The following PTPRD variants were observed in gnomAD, a reference collection of about 807,000 sequenced individuals.
The protein encoded by PTPRD is receptor-type tyrosine-protein phosphatase delta.
PTPRD carries 34 observed loss-of-function variants against 214.5 expected under a neutral mutation model. That is an observed-to-expected ratio of 0.16 (90% CI 0.12 to 0.21). The LOEUF (loss-of-function observed/expected upper bound fraction) is 0.21. Ranked by LOEUF, PTPRD falls within the 10% of genes least tolerant of loss-of-function variation. The probability of loss-of-function intolerance (pLI) is 1.00; values close to 1 mark genes in which losing one functional copy is unlikely to be tolerated. For synonymous variants in PTPRD, 1,128 were observed against 845.7 expected (o/e 1.33, Z -5.79); for missense variants, 2,545 against 2,398.7 (o/e 1.06, Z -1.27).
chr9:8,914,818 C>T (rs1387257576), intron 11 of PTPRD, among the ~76,000 whole-genome samples: 1 of 151,972 alleles, frequency 6.6e-6, no homozygotes, highest in African/African-American at 2.4e-5. Context: ...TTTAAGGTAC[C>T]AATAAAAAGC....
At chr9:10,152,834 C>G (rs771944610) in intron 3 of PTPRD, among the ~76,000 whole-genome samples, 2 of 151,988 alleles carry the variant, frequency 1.3e-5, no homozygotes, top group Non-Finnish European at 2.9e-5. Flanking sequence ...CTACCCTCCC[C>G]CAAAAAGAAG....
intron 7 of PTPRD, among the ~76,000 whole-genome samples, chr9:9,673,714 AT>A (rs2096874229): frequency 6.6e-6 from 1 of 151,454 alleles, no homozygotes; most frequent in Admixed American, 6.6e-5. Context: ...TGAGAAGACA[AT>A]TTAGAAAAAA....
chr9:10,000,042 G>T (rs1234450666), intron 4 of PTPRD, among the ~76,000 whole-genome samples: 2 of 152,126 alleles, frequency 1.3e-5, no homozygotes, highest in African/African-American at 4.8e-5. Flanking sequence ...CAAGATTAAT[G>T]CCAAAGTTAT....
chr9:9,857,893 T>G (rs926588692), intron 5 of PTPRD, among the ~76,000 whole-genome samples: 1 of 150,132 alleles, frequency 6.7e-6, no homozygotes, highest in Admixed American at 6.6e-5. Context: ...ATGAGCATAG[T>G]TGATTAATAC....
At chr9:10,167,070 A>T (rs2099163610) in intron 3 of PTPRD, among the ~76,000 whole-genome samples, 1 of 152,136 alleles carries the variant, frequency 6.6e-6, no homozygotes, top group South Asian at 2.1e-4. Flanking sequence ...AACCTAAAAT[A>T]CAGAATTTAT....
intron 11 of PTPRD, among the ~76,000 whole-genome samples, chr9:8,876,736 G>A (rs1451776185): frequency 1.5e-4 from 23 of 152,206 alleles, no homozygotes; most frequent in Admixed American, 1.4e-3. Context: ...AAGTGACCAG[G>A]TACCCTTTGC....
At chr9:10,561,061 T>A (rs1403730180) in intron 2 of PTPRD, among the ~76,000 whole-genome samples, 1 of 152,192 alleles carries the variant, frequency 6.6e-6, no homozygotes, top group African/African-American at 2.4e-5. Flanking sequence ...TTCCAAATAC[T>A]AATTCCATGA....
At chr9:8,991,309 T>C (rs935044091) in intron 11 of PTPRD, among the ~76,000 whole-genome samples, 1 of 152,134 alleles carries the variant, frequency 6.6e-6, no homozygotes, top group Non-Finnish European at 1.5e-5. Flanking sequence ...AAACTAGGAT[T>C]AAATAAATTT....
chr9:10,462,333 T>C (rs539230767), intron 2 of PTPRD, among the ~76,000 whole-genome samples: 4 of 152,136 alleles, frequency 2.6e-5, no homozygotes, highest in African/African-American at 7.2e-5. Flanking sequence ...TTTTATATAA[T>C]CTGCAAATGA....
intron 11 of PTPRD, among the ~76,000 whole-genome samples, chr9:8,806,697 C>A (rs1461452477): frequency 6.6e-6 from 1 of 152,178 alleles, no homozygotes; most frequent in African/African-American, 2.4e-5. Flanking sequence ...TCTACTGTAA[C>A]TACCTGAGGT....
chr9:8,643,197 T>C (rs2096614412), intron 12 of PTPRD, among the ~76,000 whole-genome samples: 1 of 152,210 alleles, frequency 6.6e-6, no homozygotes, highest in African/African-American at 2.4e-5. Context: ...TAGAATGGAA[T>C]AAAGAAATAA....
chr9:8,440,274 T>C (rs1197691125), intron 34 of PTPRD, among the ~76,000 whole-genome samples: 2 of 151,990 alleles, frequency 1.3e-5, no homozygotes, highest in Non-Finnish European at 2.9e-5. Flanking sequence ...GCCAGTGTCA[T>C]GACCTCATCA....
chr9:10,387,716 A>G (rs2097948387), intron 2 of PTPRD, among the ~76,000 whole-genome samples: 1 of 151,076 alleles, frequency 6.6e-6, no homozygotes, highest in African/African-American at 2.4e-5. Flanking sequence ...CTCACCTTGC[A>G]TCATGACAGC....
At chr9:9,161,307 C>A (rs941810589) in intron 10 of PTPRD, among the ~76,000 whole-genome samples, 2 of 151,928 alleles carry the variant, frequency 1.3e-5, no homozygotes, top group Non-Finnish European at 2.9e-5. Flanking sequence ...GTAGTGTAGA[C>A]AATTATGATT....
chr9:10,397,140 A>G (rs868135878), intron 2 of PTPRD, among the ~76,000 whole-genome samples: 2 of 152,060 alleles, frequency 1.3e-5, no homozygotes, highest in South Asian at 4.1e-4. Context: ...CGAAAAGGCA[A>G]CAATTTAAAC....
At chr9:9,562,901 C>T (rs1486239498) in intron 8 of PTPRD, among the ~76,000 whole-genome samples, 2 of 152,166 alleles carry the variant, frequency 1.3e-5, no homozygotes, top group Admixed American at 1.3e-4. Flanking sequence ...GGAATCCAAG[C>T]TCCATGTGGG....
intron 3 of PTPRD, among the ~76,000 whole-genome samples, chr9:10,284,499 G>T (rs1424547202): frequency 6.6e-6 from 1 of 152,144 alleles, no homozygotes; most frequent in Non-Finnish European, 1.5e-5. Context: ...TCTTTTTTCT[G>T]TAAGAGATCA....
At chr9:8,919,801 T>C (rs569901848) in intron 11 of PTPRD, among the ~76,000 whole-genome samples, 27 of 139,030 alleles carry the variant, frequency 1.9e-4, no homozygotes, top group Non-Finnish European at 4.1e-4. Flanking sequence ...TACATACACA[T>C]GCAAGTGCAC....
chr9:8,525,771 G>T (rs942663986), intron 17 of PTPRD, among the ~76,000 whole-genome samples: 1 of 152,200 alleles, frequency 6.6e-6, no homozygotes, highest in African/African-American at 2.4e-5. Context: ...GATCCCCTAA[G>T]ACACCCATCA....
Sources: allele counts gnomAD v4.1 joint callset (sites outside exome capture counted in the v4.1 genomes callset), GRCh38; gene constraint gnomAD v4.1.1; transcripts MANE v1.5; gene names NCBI Gene and HGNC (gene_info 2026-07-23, HGNC 2026-07-21).